MYO1E: variants seen among roughly 807,000 people sequenced by gnomAD.
MYO1E encodes the protein myosin IE.
MYO1E carries 68 observed loss-of-function variants against 151.1 expected under a neutral mutation model. The ratio of observed to expected loss-of-function variants is 0.45; its 90% confidence interval spans 0.37 to 0.55. The LOEUF (loss-of-function observed/expected upper bound fraction) is 0.55, where lower values mean the gene tolerates loss of function less well. MYO1E is among the 20% of genes least tolerant of loss of function. The probability of loss-of-function intolerance (pLI) is 0.00; values close to 1 mark genes in which losing one functional copy is unlikely to be tolerated. For missense variants in MYO1E, 1,363 were observed against 1,389.3 expected (o/e 0.98, Z 0.30); for synonymous variants, 601 against 501.7 (o/e 1.20, Z -2.64).
At position 59,224,835 on chromosome 15, in the gene MYO1E, G is replaced by C. The variant is rs1416871809; in HGVS notation, c.643-12C>G. ...GCGCCCTCGATGAGCTGGAGCAAGA[G>C]AACACAGGTTGAGCCATGATGTGGA... is the stretch of plus-strand genomic sequence containing the variant. On this transcript the variant is annotated splice_polypyrimidine_tract_variant and intron_variant, in intron 7 of 27. Coordinates refer to ENST00000288235, the MANE Select transcript of MYO1E (RefSeq NM_004998.4). 6 of 1,614,054 alleles carry C rather than the reference G, an allele frequency of 3.7e-6. No individual in the cohort carries two copies. The highest frequency in any genetic ancestry group is 5.1e-6 in the Non-Finnish European group (6 of 1,180,038).
At chr15:59,244,671 G>T (rs1352561344) in intron 4 of MYO1E, among the ~76,000 whole-genome samples, 1 of 152,148 alleles carries the variant, frequency 6.6e-6, no homozygotes, top group Non-Finnish European at 1.5e-5. Flanking sequence ...GGCAGCTCTG[G>T]CTGGGAGCAC....
At chr15:59,173,449 C>G (rs145493867) in intron 21 of MYO1E, among the ~76,000 whole-genome samples, 1 of 151,976 alleles carries the variant, frequency 6.6e-6, no homozygotes, top group Non-Finnish European at 1.5e-5. Context: ...AAAAGACAAA[C>G]AAAAAACCAC....
chr15:59,171,289 C>T (rs1293284446), intron 22 of MYO1E: 2 of 160,048 alleles, frequency 1.2e-5, no homozygotes, highest in Admixed American at 6.1e-5. Context: ...TGCTGACGGC[C>T]GGCAGAGGAG....
intron 26 of MYO1E, among the ~76,000 whole-genome samples, chr15:59,139,229 TCCCATCC>T (rs2079392725): frequency 5.5e-5 from 8 of 146,272 alleles, no homozygotes; most frequent in South Asian, 2.2e-4. Flanking sequence ...TAGACTTCCC[TCCCATCC>T]CTCATTATTA....
At chr15:59,325,228 G>A (rs1250740844) in intron 1 of MYO1E, among the ~76,000 whole-genome samples, 5 of 152,076 alleles carry the variant, frequency 3.3e-5, no homozygotes, top group Non-Finnish European at 7.4e-5. Context: ...TAGAGAGAGG[G>A]TTTCACCATG....
chr15:59,257,777 A>G lies in MYO1E; in HGVS notation c.238-1399T>C, dbSNP rs148945089. ...ATGCCTAGGACTGGTCACCTAAAGA[A>G]CCCTATGCAGGAACCAGAATATGTG... On this transcript the variant is annotated intron_variant, in intron 3 of 27. Transcript: ENST00000288235. 5.5e-3 allele frequency among the ~76,000 whole-genome samples: 829 copies of G among 152,036 alleles called. 5 individuals are homozygous for G. The highest frequency in any genetic ancestry group is 0.019 in the African/African-American group (782 of 41,458).
intron 15 of MYO1E, among the ~76,000 whole-genome samples, chr15:59,204,769 G>A (rs1363397336): frequency 1.3e-5 from 2 of 152,150 alleles, no homozygotes; most frequent in Non-Finnish European, 2.9e-5. Flanking sequence ...GTACTTCAGG[G>A]ACTCTGGTTA....
rs577616702 is a variant in MYO1E, at chr15:59,363,044, C to G, written c.3+9454G>C. On this transcript the variant is annotated intron_variant, in intron 1 of 27. Transcript: ENST00000288235. ...AGGCTGGAATGCAGTGGCACGATCT[C>G]GGCTCACTGCAAGCTCCGCCTCCCA... Among the ~76,000 whole-genome samples the G allele has an allele frequency of 2.0e-3, 298 of 147,540 alleles. 3 individuals carry two copies. The highest frequency in any genetic ancestry group is 3.3e-3 in the Non-Finnish European group (223 of 67,406).
intron 18 of MYO1E, among the ~76,000 whole-genome samples, chr15:59,186,780 ACTT>A (rs1367036139): frequency 1.3e-5 from 2 of 152,214 alleles, no homozygotes; most frequent in Admixed American, 6.5e-5. Context: ...CATTTGGCTT[ACTT>A]CTTTTTTGTT....
At chr15:59,349,771 T>G (rs2080813965) in intron 1 of MYO1E, among the ~76,000 whole-genome samples, 1 of 152,224 alleles carries the variant, frequency 6.6e-6, no homozygotes, top group Non-Finnish European at 1.5e-5. Flanking sequence ...TCTGTTTTCT[T>G]GAACCATTTC....
chr15:59,190,899 C>T (rs1053035236), intron 17 of MYO1E, among the ~76,000 whole-genome samples: 11 of 151,878 alleles, frequency 7.2e-5, no homozygotes, highest in African/African-American at 1.5e-4. Context: ...CCTGGAGGGG[C>T]GAGTTGAATC....
At chr15:59,185,005 G>A (rs2079687199) in intron 18 of MYO1E, among the ~76,000 whole-genome samples, 1 of 152,180 alleles carries the variant, frequency 6.6e-6, no homozygotes. Flanking sequence ...ATATCGCACT[G>A]TAGTTTTATT....
At chr15:59,146,217 G>C (rs1235596898) in intron 26 of MYO1E, among the ~76,000 whole-genome samples, 2 of 152,088 alleles carry the variant, frequency 1.3e-5, no homozygotes, top group African/African-American at 2.4e-5. Flanking sequence ...TGGTAGGTCT[G>C]GTACTCTGTG....
chr15:59,207,621 TG>T, intron 14 of MYO1E: 1 of 1,614,200 alleles, frequency 6.2e-7, no homozygotes, highest in Non-Finnish European at 8.5e-7. Context: ...GACAAAAGCT[TG>T]GTATCCATTC....
In MYO1E at chr15:59,372,457, C is replaced by T. The variant is rs2080953075; in HGVS notation, c.3+41G>A. ...ACCACGCCGGGGTTTCCTGCCCCGT[C>T]CCCGGGTCCGGCGTCCTAGGACGCG... On this transcript the variant is annotated intron_variant, in intron 1 of 27. Transcript: ENST00000288235. 2.6e-6 allele frequency: 4 copies of T among 1,536,492 alleles called. No homozygotes were observed. The African/African-American group carries it at 4.1e-5, about 16-fold the overall frequency.
Position 59,231,965 on chromosome 15 carries a change from C to T in MYO1E, c.421-174G>A, listed in dbSNP as rs570194079. Among the ~76,000 whole-genome samples, 6 of 152,286 alleles carry T rather than the reference C, an allele frequency of 3.9e-5. No individual in the cohort carries two copies. In the East Asian group the frequency reaches 9.6e-4, roughly 24 times the overall value. Reference sequence around the variant, plus strand: ...ATTCTTTCACCATGACAGACCTCAACCTGTTTGTGTATTTGGGTCTTCCAA... The same window carrying T: ...ATTCTTTCACCATGACAGACCTCAATCTGTTTGTGTATTTGGGTCTTCCAA... On this transcript the variant is annotated intron_variant, in intron 5 of 27. Transcript: ENST00000288235.
rs59957325 is a variant in MYO1E, at chr15:59,265,792, T to TAA, written c.148-4285_148-4284dup. On this transcript the variant is annotated intron_variant, in intron 2 of 27. Transcript: ENST00000288235. ...GCAATATACTGAGACCCCATCTCCT[T>TAA]AAAAAAAAAAAAAAAAAAAAAAAAA... 1.4e-3 allele frequency among the ~76,000 whole-genome samples: 144 copies of TAA among 106,300 alleles called. 1 individual carries two copies. The highest frequency in any genetic ancestry group is 0.01 in the East Asian group (40 of 3,854). The allele number at this position is 106,300 out of a possible 152,430, so 69.7% of individuals were successfully genotyped here. A position where few individuals can be genotyped will look rare whatever the true frequency, so the allele number is the denominator to read the frequency against.
At chr15:59,306,193 C>T (rs1459588697) in intron 1 of MYO1E, among the ~76,000 whole-genome samples, 1 of 152,170 alleles carries the variant, frequency 6.6e-6, no homozygotes, top group Non-Finnish European at 1.5e-5. Flanking sequence ...TGTTAGTGCT[C>T]ACTTCTCAGA....
intron 1 of MYO1E, among the ~76,000 whole-genome samples, chr15:59,314,260 G>C (rs1239803074): frequency 6.6e-6 from 1 of 152,232 alleles, no homozygotes; most frequent in Non-Finnish European, 1.5e-5. Flanking sequence ...TGACAACTCT[G>C]TGCCTTAACT....
Sources: gnomAD v4.1 joint callset for allele counts (sites outside exome capture counted in the v4.1 genomes callset) on GRCh38, gnomAD v4.1.1 for gene constraint, MANE v1.5 for transcripts, NCBI Gene and HGNC (gene_info 2026-07-23, HGNC 2026-07-21) for gene names.